Variants in SVIL observed in about 807,000 individuals in gnomAD.
SVIL encodes the protein supervillin, also known as archvillin.
In SVIL, 101 loss-of-function variants were observed where a neutral mutation model predicts 240.4. The ratio of observed to expected loss-of-function variants is 0.42; its 90% CI spans 0.36 to 0.50. The LOEUF is 0.50. SVIL is among the 20% of genes least tolerant of loss of function. The probability of loss-of-function intolerance (pLI) is 0.01; values close to 1 mark genes in which losing one functional copy is unlikely to be tolerated. For missense variants in SVIL, 2,512 were observed against 2,818.7 expected, an observed-to-expected ratio of 0.89 and a Z score of 2.46; for synonymous variants, 999 against 1,100.0, an observed-to-expected ratio of 0.91 and a Z score of 1.82.
intron 16 of SVIL, among the ~76,000 whole-genome samples, chr10:29,517,813 G>A (rs1426326858): frequency 6.6e-6 from 1 of 152,162 alleles, no homozygotes; most frequent in African/African-American, 2.4e-5. Context: ...AAATAAGAAA[G>A]CTCAGATGCC....
chr10:29,550,687 G>A lies in SVIL; in HGVS notation c.737C>T (p.Pro246Leu), dbSNP rs745345053. 5.6e-6 allele frequency: 9 copies of A among 1,613,978 alleles called. No homozygotes were observed. The African/African-American group carries it at 1.2e-4, about 22-fold the overall frequency. ...DSSFTEVPRS[P>L]KHAHSSSLQQ... ...CAGGGAGGAGCTGTGGGCGTGCTTG[G>A]GGGACCGTGGCACTTCAGTGAAGGA... Residue 246 changes from proline to leucine, a missense_variant, in exon 6 of 38, where the codon CCC becomes CTC. By Grantham distance (98) the Pro-to-Leu change is moderately conservative. This residue lies in a region of SVIL where 1,443 missense variants were observed against 1,486.6 expected (regional missense o/e 0.97). Transcript: ENST00000355867.
chr10:29,665,040 G>A (rs1959205151), intron 2 of SVIL, among the ~76,000 whole-genome samples: 1 of 151,930 alleles, frequency 6.6e-6, no homozygotes, highest in South Asian at 2.1e-4. Flanking sequence ...AGGAGTTCAA[G>A]ACCAGCTGGA....
upstream of SVIL, among the ~76,000 whole-genome samples, chr10:29,639,522 T>C (rs954369899): frequency 3.6e-5 from 5 of 137,694 alleles, no homozygotes; most frequent in East Asian, 2.1e-4. Flanking sequence ...TAGGCTGGAG[T>C]GTAATGCACG....
chr10:29,466,982 G>A (rs1188472402), intron 33 of SVIL, among the ~76,000 whole-genome samples: 1 of 152,204 alleles, frequency 6.6e-6, no homozygotes, highest in Admixed American at 6.5e-5. Flanking sequence ...CCTTGGGCAA[G>A]TTGATTAACT....
intron 18 of SVIL, among the ~76,000 whole-genome samples, chr10:29,495,788 A>T (rs547668868): frequency 6.6e-6 from 1 of 152,234 alleles, no homozygotes; most frequent in Admixed American, 6.5e-5. Flanking sequence ...CGAGAAGCAG[A>T]GTGGGGAATC....
chr10:29,664,037 T>A (rs1264222569), intron 2 of SVIL, among the ~76,000 whole-genome samples: 1 of 152,206 alleles, frequency 6.6e-6, no homozygotes, highest in Non-Finnish European at 1.5e-5. Flanking sequence ...TTGATGGTCT[T>A]TATGCTGCCA....
intron 35 of SVIL, 121 bp downstream of exon 35, chr10:29,463,371 C>T (rs1944494659): frequency 5.2e-6 from 7 of 1,334,784 alleles, no homozygotes; most frequent in Non-Finnish European, 6.9e-6. Flanking sequence ...CACCACCTGC[C>T]AGGCTTTATG....
chr10:29,675,654 C>A (rs1421552436), intron 2 of SVIL, among the ~76,000 whole-genome samples: 1 of 152,160 alleles, frequency 6.6e-6, no homozygotes, highest in Admixed American at 6.5e-5. Flanking sequence ...ACATCTTCAC[C>A]CTCATCTGTT....
chr10:29,588,956 A>T (rs1174021217), intron 1 of SVIL, among the ~76,000 whole-genome samples: 1 of 151,998 alleles, frequency 6.6e-6, no homozygotes, highest in Middle Eastern at 3.2e-3. Flanking sequence ...GAAGTCCTCA[A>T]ACCCAAACCC....
At chr10:29,636,295 A>G (rs1958308589), upstream of SVIL, among the ~76,000 whole-genome samples, 1 of 152,166 alleles carries the variant, frequency 6.6e-6, no homozygotes, top group African/African-American at 2.4e-5. Flanking sequence ...CCCTAGAGAA[A>G]AGTAGGGCAA....
chr10:29,589,163 C>T (rs866268111), intron 1 of SVIL, among the ~76,000 whole-genome samples: 2 of 152,172 alleles, frequency 1.3e-5, no homozygotes, highest in Admixed American at 6.5e-5. Context: ...GTGAGACACT[C>T]GACACCAAAA....
chr10:29,574,430 T>A (rs1955595772), intron 1 of SVIL, among the ~76,000 whole-genome samples: 4 of 152,080 alleles, frequency 2.6e-5, no homozygotes, highest in Admixed American at 2.6e-4. Flanking sequence ...GGGCGGTGGC[T>A]GGAGGAGACC....
At chr10:29,491,842 T>C (rs1460297745) in intron 21 of SVIL, among the ~76,000 whole-genome samples, 1 of 152,194 alleles carries the variant, frequency 6.6e-6, no homozygotes, top group Non-Finnish European at 1.5e-5. Flanking sequence ...GGGCGGAAGA[T>C]TGAGAAATGG....
chr10:29,647,900 C>T (rs1589448700), intron 3 of SVIL, among the ~76,000 whole-genome samples: 1 of 150,744 alleles, frequency 6.6e-6, no homozygotes, highest in South Asian at 2.1e-4. Flanking sequence ...TTTTAAAACC[C>T]CCTACATTTT....
Position 29,458,313 on chromosome 10 carries a change from C to G in SVIL, c.6579G>C (p.Arg2193Ser). ...AGGCGGGCAGGGCGTTGTATTCATC[C>G]CTCGTCATGTCTAGTGCAAACTGGA... The part of the protein sequence containing the change: ...EDFEFALDMT[R>S]DEYNALPAWK... Residue 2193 changes from arginine (R) to serine (S), a missense_variant, in exon 38 of 38, where the codon AGG (arginine) becomes AGC (serine). By Grantham distance (110) the Arg-to-Ser change is moderately radical. Around this residue, in one of 3 missense-constraint regions of SVIL, gnomAD observed 797 missense variants for 925.3 expected, o/e 0.86. Coordinates refer to ENST00000355867, the MANE Select transcript of SVIL (RefSeq NM_021738.3). 1 of 1,614,256 alleles carries G rather than the reference C, an allele frequency of 6.2e-7. No individual in the cohort carries two copies. Among genetic ancestry groups the G allele is most frequent in the Non-Finnish European group, 8.5e-7 (1 of 1,180,048 alleles).
chr10:29,549,727 A>G (rs1953058323), intron 6 of SVIL, among the ~76,000 whole-genome samples: 1 of 144,294 alleles, frequency 6.9e-6, no homozygotes, highest in Admixed American at 7.0e-5. Context: ...TTGCAGGGAC[A>G]TGGATGAAGC....
At chr10:29,618,594 G>A (rs575591282) in intron 1 of SVIL, among the ~76,000 whole-genome samples, 3 of 152,256 alleles carry the variant, frequency 2.0e-5, no homozygotes, top group Non-Finnish European at 2.9e-5. Context: ...CATGTGTGAC[G>A]ACTATCTAGT....
chr10:29,610,219 C>T (rs71489695), intron 1 of SVIL, among the ~76,000 whole-genome samples: 1 of 152,138 alleles, frequency 6.6e-6, no homozygotes, highest in Middle Eastern at 3.2e-3. Flanking sequence ...GCCCCACCCT[C>T]GTCCCTTCCT....
chr10:29,645,835 C>T (rs551009667), intron 3 of SVIL, among the ~76,000 whole-genome samples: 2 of 152,276 alleles, frequency 1.3e-5, no homozygotes, highest in Admixed American at 1.3e-4. Context: ...AAGGATTTAT[C>T]GAAAGATGGC....
Sources: allele counts gnomAD v4.1 joint callset (sites outside exome capture counted in the v4.1 genomes callset), GRCh38; gene constraint gnomAD v4.1.1; regional missense constraint gnomAD v4.1.1; transcripts MANE v1.5; gene names NCBI Gene and HGNC (gene_info 2026-07-23, HGNC 2026-07-21).